ADAT1: variants seen among roughly 807,000 people sequenced by gnomAD.
ADAT1 encodes adenosine deaminase tRNA specific 1, also known as tRNA-specific adenosine deaminase 1.
ADAT1 carries 58 observed loss-of-function variants against 58.6 expected under a neutral mutation model. That is an observed-to-expected ratio of 0.99 (90% CI 0.80 to 1.23). The LOEUF (loss-of-function observed/expected upper bound fraction) is 1.23, where lower values mean the gene tolerates loss of function less well. ADAT1 is among the 50% of genes most tolerant of loss of function. The pLI, the probability that ADAT1 is intolerant of heterozygous loss-of-function variation, is 0.00. For missense variants in ADAT1, 741 were observed against 608.6 expected (o/e 1.22, Z -2.29); for synonymous variants, 254 against 220.8 (o/e 1.15, Z -1.33).
At chr16:75,614,688 C>T (rs1483637657) in intron 5 of ADAT1, among the ~76,000 whole-genome samples, 4 of 152,130 alleles carry the variant, frequency 2.6e-5, no homozygotes, top group Non-Finnish European at 5.9e-5. Flanking sequence ...GAGCCTGACT[C>T]ATGCTAATAA....
intron 8 of ADAT1, 74 bp from the exon 9 acceptor site, chr16:75,603,245 G>T (rs1221564381): frequency 3.0e-6 from 4 of 1,340,892 alleles, no homozygotes; most frequent in Non-Finnish European, 4.2e-6. Context: ...AAGATGCCAG[G>T]CTTCATGTGG....
chr16:75,608,475 G>A, intron 7 of ADAT1, 152 bp from the exon 8 acceptor site: 2 of 639,400 alleles, frequency 3.1e-6, no homozygotes, highest in Non-Finnish European at 5.4e-6. Flanking sequence ...TTGGCCTCCA[G>A]GGTACAGTAG....
rs565695898 is a variant in ADAT1 at position 75,605,930 on chromosome 16, T to A, written c.1289+2294A>T. Reference sequence around the variant, plus strand: ...CCAGCCTGGGCGGTAAGGGTGAAACTCTGTCTCAAAAAAAAAAAAAAAAAA... The same window carrying A: ...CCAGCCTGGGCGGTAAGGGTGAAACACTGTCTCAAAAAAAAAAAAAAAAAA... On this transcript the variant is annotated intron_variant, in intron 8 of 9. Coordinates refer to ENST00000564657, the MANE Select transcript of ADAT1 (RefSeq NM_001324445.2). 2.5e-3 allele frequency among the ~76,000 whole-genome samples: 307 copies of A among 121,392 alleles called. 1 individual carries two copies. Among genetic ancestry groups the A allele is most frequent in the African/African-American group, 0.01 (294 of 29,304 alleles). The allele number at this position is 121,392 out of a possible 152,430, so 79.6% of individuals were successfully genotyped here.
At chr16:75,611,532 G>A (rs1372264873) in intron 6 of ADAT1, among the ~76,000 whole-genome samples, 2 of 151,842 alleles carry the variant, frequency 1.3e-5, no homozygotes, top group South Asian at 4.1e-4. Flanking sequence ...CTACAGGTGC[G>A]TGCCACATCT....
rs540505321 is a variant in ADAT1 at position 75,622,412 on chromosome 16, C to G, written c.-31G>C. 2.0e-5 allele frequency: 3 copies of G among 152,134 alleles called. No individual in the cohort carries two copies. Among genetic ancestry groups the G allele is most frequent in the Admixed American group, 6.5e-5 (1 of 15,272 alleles). The allele number at this position is 152,134 out of a possible 1,614,324, so 9.4% of individuals were successfully genotyped here. A position where few individuals can be genotyped will look rare whatever the true frequency, so the allele number is the denominator to read the frequency against. On this transcript the variant is annotated 5_prime_UTR_variant, in exon 1 of 10. The change abolishes the stop of an existing upstream ORF in the 5' untranslated region. Coordinates refer to ENST00000564657, the MANE Select transcript of ADAT1 (RefSeq NM_001324445.2). Reference sequence around the variant, plus strand: ...TTTGGAAGGGACTCACCTCTCATTTCTAGGGAGGCATCACAAGGCAGTATA... The same window carrying G: ...TTTGGAAGGGACTCACCTCTCATTTGTAGGGAGGCATCACAAGGCAGTATA...
chr16:75,612,229 C>T lies in ADAT1; in HGVS notation c.1043+14G>A, dbSNP rs1396113417. 4 of 1,610,662 alleles carry T rather than the reference C, an allele frequency of 2.5e-6. No homozygotes were observed. In the African/African-American group the frequency reaches 5.3e-5, roughly 22 times the overall value. ...GGAATGACTGTTCCAATTGAGCCCTCCCTACCCTCTCACCTTCCAATCAGT... is the reference window on the plus strand; with the variant it reads ...GGAATGACTGTTCCAATTGAGCCCTTCCTACCCTCTCACCTTCCAATCAGT... On this transcript the variant is annotated intron_variant, in intron 6 of 9. Transcript: ENST00000564657.
In ADAT1 at chr16:75,599,995, C is replaced by G. The variant is rs998378269; in HGVS notation, c.*221G>C. ...AGAAGCAATAAAACACAATGGAAGTCAGATAGTGAGGTCATTAGTGAGATG... is the reference window on the plus strand; with the variant it reads ...AGAAGCAATAAAACACAATGGAAGTGAGATAGTGAGGTCATTAGTGAGATG... On this transcript the variant is annotated 3_prime_UTR_variant, in exon 10 of 10. Transcript: ENST00000564657. 7.7e-7 allele frequency: 1 copy of G among 1,298,348 alleles called. No homozygotes were observed. Among genetic ancestry groups the G allele is most frequent in the African/African-American group, 1.5e-5 (1 of 66,946 alleles). The allele number at this position is 1,298,348 out of a possible 1,614,324, so 80.4% of individuals were successfully genotyped here.
In ADAT1 at chr16:75,608,401, C is replaced by A. The variant is rs542564495; in HGVS notation, c.1190-78G>T. ...CAGAAGTATTTTAATAAAAATATTT[C>A]TCTGACTCTACAGACCCATGAGAGC... is the stretch of plus-strand genomic sequence containing the variant. On this transcript the variant is annotated intron_variant, in intron 7 of 9. Coordinates refer to ENST00000564657, the MANE Select transcript of ADAT1 (RefSeq NM_001324445.2). 545 of 1,274,546 alleles carry A rather than the reference C, an allele frequency of 4.3e-4. 5 individuals are homozygous for A. In the South Asian group the frequency reaches 6.3e-3, roughly 15 times the overall value. 79.0% of individuals were successfully genotyped at this position (1,274,546 alleles called of 1,614,324 possible). A position where few individuals can be genotyped will look rare whatever the true frequency, so the allele number is the denominator to read the frequency against.
At chr16:75,601,657 C>G (rs1452771933) in intron 9 of ADAT1, among the ~76,000 whole-genome samples, 2 of 152,178 alleles carry the variant, frequency 1.3e-5, no homozygotes, top group East Asian at 3.9e-4. Context: ...ACTCTGGAGA[C>G]TGAGGCAGGA....
In ADAT1 at chr16:75,598,264, A is replaced by C. The variant is rs116235317; in HGVS notation, c.*1952T>G. 6.1e-3 allele frequency: 2,225 copies of C among 365,488 alleles called. 60 individuals are homozygous for C. The highest frequency in any genetic ancestry group is 0.044 in the African/African-American group (1,978 of 45,064). 22.6% of individuals were successfully genotyped at this position (365,488 alleles called of 1,614,324 possible). ...GCTAATTTTTGTATTTTTAGTAGAA[A>C]GGGGCTTCACCATGTTGGCCAGGAT... On this transcript the variant is annotated 3_prime_UTR_variant, in exon 10 of 10. Transcript: ENST00000564657.
chr16:75,615,499 A>T (rs892453955), intron 5 of ADAT1, among the ~76,000 whole-genome samples: 13,728 of 146,642 alleles, frequency 0.094, 2,679 homozygotes, highest in East Asian at 0.72. Context: ...AAAAAAAAAA[A>T]AAAAAAAAAA....
intron 6 of ADAT1, among the ~76,000 whole-genome samples, chr16:75,611,328 G>T (rs2081526617): frequency 6.6e-6 from 1 of 151,936 alleles, no homozygotes; most frequent in Non-Finnish European, 1.5e-5. Flanking sequence ...GACCAAAATT[G>T]GCTTTTTATC....
At chr16:75,611,580 T>C (rs115883111) in intron 6 of ADAT1, among the ~76,000 whole-genome samples, 1,988 of 151,928 alleles carry the variant, frequency 0.013, 54 homozygotes, top group African/African-American at 0.044. Context: ...CGGGGTTTCC[T>C]CATGTTACCT....
rs775779318 is a variant in ADAT1 at position 75,608,216 on chromosome 16, T to C, written c.1289+8A>G. The C allele has an allele frequency of 2.5e-6, 4 of 1,612,830 alleles. No individual in the cohort carries two copies. Among genetic ancestry groups the C allele is most frequent in the Non-Finnish European group, 3.4e-6 (4 of 1,178,958 alleles). On this transcript the variant is annotated splice_region_variant and intron_variant, in intron 8 of 9. Transcript: ENST00000564657. ...GCCACCATCTCCTCCTGCCCCAATA[T>C]GCTGTACCTTGCCTGAAGGCTTCCA...
At chr16:75,615,147 G>A (rs913667733) in intron 5 of ADAT1, among the ~76,000 whole-genome samples, 3 of 149,828 alleles carry the variant, frequency 2.0e-5, no homozygotes, top group Non-Finnish European at 1.5e-5. Context: ...GAATCGCCTG[G>A]ACCCGGGAGG....
chr16:75,600,492 T>G (rs1376529785), intron 9 of ADAT1, 144 bp from the exon 10 acceptor site: 1 of 1,351,048 alleles, frequency 7.4e-7, no homozygotes, highest in Non-Finnish European at 9.9e-7. Flanking sequence ...TGAAAGTTGA[T>G]CATACAAACT....
chr16:75,597,377 G>A lies in ADAT1; in HGVS notation c.*2839C>T. ...GCAGCCACAAGCCAAGGACTGCCAG[G>A]AGCCATCAGAAGCTAAGGAGGAAGC... On this transcript the variant is annotated 3_prime_UTR_variant, in exon 10 of 10. Coordinates refer to ENST00000564657, the MANE Select transcript of ADAT1 (RefSeq NM_001324445.2). 2 of 451,296 alleles carry A rather than the reference G, an allele frequency of 4.4e-6. No homozygotes were observed. Among genetic ancestry groups the A allele is most frequent in the South Asian group, 1.6e-5 (1 of 63,322 alleles). The allele number at this position is 451,296 out of a possible 1,614,324, so 28.0% of individuals were successfully genotyped here. A position where few individuals can be genotyped will look rare whatever the true frequency, so the allele number is the denominator to read the frequency against.
At chr16:75,605,262 T>C (rs1238097065) in intron 8 of ADAT1, among the ~76,000 whole-genome samples, 1 of 152,120 alleles carries the variant, frequency 6.6e-6, no homozygotes, top group Non-Finnish European at 1.5e-5. Flanking sequence ...AGCTAATTTT[T>C]GTATTTTTAG....
intron 8 of ADAT1, among the ~76,000 whole-genome samples, chr16:75,604,459 AT>A (rs2081313070): frequency 6.6e-5 from 4 of 60,810 alleles, no homozygotes; most frequent in African/African-American, 1.7e-4. Flanking sequence ...AAAAAAAAAT[AT>A]ATATATATAT....
Sources: gnomAD v4.1 joint callset for allele counts (sites outside exome capture counted in the v4.1 genomes callset) on GRCh38, gnomAD v4.1.1 for gene constraint, MANE v1.5 for transcripts, NCBI Gene and HGNC (gene_info 2026-07-23, HGNC 2026-07-21) for gene names.